Variants in POU2F3 observed in about 807,000 individuals in gnomAD.
POU2F3 encodes the protein POU class 2 homeobox 3.
POU2F3 carries 23 observed loss-of-function variants against 59.2 expected under a neutral mutation model. The observed-to-expected ratio is 0.39, with a 90% CI of 0.28 to 0.55. POU2F3 has a LOEUF of 0.55. POU2F3 is among the 20% of genes least tolerant of loss of function. The pLI is 0.66. For missense variants in POU2F3, 473 were observed against 544.5 expected (o/e 0.87, Z 1.31); for synonymous variants, 190 against 214.6 (o/e 0.89, Z 1.00).
At position 120,255,539 on chromosome 11, in the gene POU2F3, G is replaced by T. The variant is rs145045815; in HGVS notation, c.97+9022G>T. ...AGAGGTCATTTGAAATTCAAATGAG[G>T]ATGATTAAGGTTTTCTTGAGGAGGG... On this transcript the variant is annotated intron_variant, in intron 2 of 12. Coordinates refer to ENST00000543440, the MANE Select transcript of POU2F3 (RefSeq NM_014352.4). Among the ~76,000 whole-genome samples the T allele has an allele frequency of 4.4e-3, 677 of 152,194 alleles. 4 individuals carry two copies. Among genetic ancestry groups the T allele is most frequent in the African/African-American group, 0.016 (658 of 41,532 alleles).
intron 8 of POU2F3, among the ~76,000 whole-genome samples, chr11:120,307,202 G>C (rs1377395946): frequency 6.6e-6 from 1 of 152,204 alleles, no homozygotes; most frequent in Admixed American, 6.5e-5. Context: ...CCAAACACTG[G>C]AGACACTGCT....
upstream of POU2F3, among the ~76,000 whole-genome samples, chr11:120,237,118 C>A (rs1938524432): frequency 6.6e-6 from 1 of 152,172 alleles, no homozygotes. Flanking sequence ...AGTCTACTAG[C>A]TGCGTTTACT....
At chr11:120,291,677 A>G (rs1373534414) in intron 3 of POU2F3, among the ~76,000 whole-genome samples, 2 of 152,234 alleles carry the variant, frequency 1.3e-5, no homozygotes, top group Non-Finnish European at 2.9e-5. Flanking sequence ...GTGTGGCTTT[A>G]TGCAAATTTC....
intron 3 of POU2F3, among the ~76,000 whole-genome samples, chr11:120,292,699 C>T (rs1352291917): frequency 2.0e-5 from 3 of 152,220 alleles, no homozygotes; most frequent in African/African-American, 7.2e-5. Flanking sequence ...CCCATCAGTG[C>T]AGCTGCCCAC....
intron 3 of POU2F3, among the ~76,000 whole-genome samples, chr11:120,286,650 C>T (rs921358355): frequency 6.6e-6 from 1 of 152,166 alleles, no homozygotes; most frequent in Non-Finnish European, 1.5e-5. Flanking sequence ...AATTATGTCA[C>T]ACTGTCAACT....
intron 2 of POU2F3, among the ~76,000 whole-genome samples, chr11:120,257,542 T>C (rs941243130): frequency 7.9e-5 from 12 of 152,202 alleles, no homozygotes; most frequent in African/African-American, 2.9e-4. Context: ...CAAGGGTTTT[T>C]GCTCTGTTCT....
At chr11:120,279,515 A>G (rs1019562766) in intron 3 of POU2F3, among the ~76,000 whole-genome samples, 4 of 152,134 alleles carry the variant, frequency 2.6e-5, no homozygotes, top group Non-Finnish European at 5.9e-5. Context: ...TGCAGATGCT[A>G]TTAGAGAGGT....
intron 2 of POU2F3, among the ~76,000 whole-genome samples, chr11:120,255,394 A>C (rs1421023157): frequency 2.0e-5 from 3 of 152,042 alleles, no homozygotes; most frequent in African/African-American, 7.2e-5. Flanking sequence ...AAGGAGAGGA[A>C]ACTGGGTGGT....
chr11:120,314,880 A>C (rs374425103), intron 10 of POU2F3, among the ~76,000 whole-genome samples: 1 of 152,176 alleles, frequency 6.6e-6, no homozygotes, highest in African/African-American at 2.4e-5. Context: ...TGCTCCATTC[A>C]TCCATCACAG....
At chr11:120,240,047 T>C, upstream of POU2F3, 1 of 1,048,670 alleles carries the variant, frequency 9.5e-7, no homozygotes, top group Admixed American at 5.3e-5. Context: ...TGTATGCAAA[T>C]CACTGCTTTG....
At chr11:120,315,335 A>G in intron 10 of POU2F3, 26 bp from the exon 11 acceptor site, 1 of 1,596,958 alleles carries the variant, frequency 6.3e-7, no homozygotes, top group Non-Finnish European at 8.6e-7. Context: ...AGAAATGGAC[A>G]TTTACAAGCT....
chr11:120,237,306 G>C (rs1244124182), upstream of POU2F3, among the ~76,000 whole-genome samples: 1 of 152,132 alleles, frequency 6.6e-6, no homozygotes, highest in Non-Finnish European at 1.5e-5. Context: ...ATGTGAGGGA[G>C]TATCTGCTAT....
rs1238574833 is a variant in POU2F3 at position 120,240,381 on chromosome 11, G to C, written c.28+10G>C. On this transcript the variant is annotated intron_variant, in intron 1 of 12. Transcript: ENST00000543440. ...GAGTCCATGCACACAGGTGAGGGGC[G>C]GAGGGAATGAGCTCTGACAGGTGTC... The C allele has an allele frequency of 1.4e-6, 2 of 1,425,304 alleles. No individual in the cohort carries two copies. The highest frequency in any genetic ancestry group is 1.9e-6 in the Non-Finnish European group (2 of 1,079,784). 88.3% of individuals were successfully genotyped at this position (1,425,304 alleles called of 1,614,324 possible).
At chr11:120,249,586 A>G (rs901850376) in intron 2 of POU2F3, among the ~76,000 whole-genome samples, 1 of 152,116 alleles carries the variant, frequency 6.6e-6, no homozygotes, top group African/African-American at 2.4e-5. Context: ...AGCCTTACCC[A>G]TATTTCAAAA....
chr11:120,289,699 C>T (rs553626098), intron 3 of POU2F3, among the ~76,000 whole-genome samples: 1 of 152,182 alleles, frequency 6.6e-6, no homozygotes, highest in Non-Finnish European at 1.5e-5. Flanking sequence ...CCTGGGATGG[C>T]TTTCTTTGCT....
intron 3 of POU2F3, among the ~76,000 whole-genome samples, chr11:120,296,934 C>T (rs780101718): frequency 1.3e-5 from 2 of 152,014 alleles, no homozygotes; most frequent in Non-Finnish European, 2.9e-5. Flanking sequence ...TTTTTTTCCG[C>T]AAGAATTAAG....
upstream of POU2F3, among the ~76,000 whole-genome samples, chr11:120,239,926 C>G (rs1007978819): frequency 1.6e-4 from 25 of 152,364 alleles, no homozygotes; most frequent in Admixed American, 7.8e-4. Flanking sequence ...GGCGCCACTC[C>G]GGGCGCGGTG....
chr11:120,240,975 A>G (rs927532415), intron 1 of POU2F3, among the ~76,000 whole-genome samples: 1 of 152,048 alleles, frequency 6.6e-6, no homozygotes, highest in African/African-American at 2.4e-5. Flanking sequence ...AGGGGTGGAA[A>G]CCTAGGAGAT....
intron 3 of POU2F3, among the ~76,000 whole-genome samples, chr11:120,294,264 A>G (rs369194191): frequency 1.3e-5 from 2 of 152,228 alleles, no homozygotes; most frequent in Non-Finnish European, 2.9e-5. Flanking sequence ...TCCTAAACCA[A>G]CAAAGCTTGT....
Sources: gnomAD v4.1 joint callset for allele counts (sites outside exome capture counted in the v4.1 genomes callset) on GRCh38, gnomAD v4.1.1 for gene constraint, MANE v1.5 for transcripts, NCBI Gene and HGNC (gene_info 2026-07-23, HGNC 2026-07-21) for gene names.